STK17A: variants seen among roughly 807,000 people sequenced by gnomAD.
The protein encoded by STK17A is serine/threonine kinase 17a.
Under a neutral mutation model 43.7 loss-of-function variants are expected in STK17A, and 26 were observed. The observed-to-expected ratio is 0.60, with a 90% CI of 0.44 to 0.83. The LOEUF (loss-of-function observed/expected upper bound fraction) is 0.83. STK17A is among the 40% of genes least tolerant of loss of function. The pLI, the probability that STK17A is intolerant of heterozygous loss-of-function variation, is 0.00. For missense variants in STK17A, 476 were observed against 511.6 expected, an observed-to-expected ratio of 0.93 and a Z score of 0.67; for synonymous variants, 191 against 182.5, an observed-to-expected ratio of 1.05 and a Z score of -0.38.
At chr7:43,595,874 A>T in intron 1 of STK17A, 27 bp from the exon 2 acceptor site, 1 of 1,605,448 alleles carries the variant, frequency 6.2e-7, no homozygotes. Context: ...GTCAACTTTA[A>T]CAGTGAATGT....
In STK17A at chr7:43,583,303, G is replaced by C. The variant is rs1477821278; in HGVS notation, c.60G>C (p.Ser20=). The change falls in exon 1 of 7, where the codon TCG becomes TCC. Residue 20 remains serine, a synonymous_variant. Coordinates refer to ENST00000319357, the MANE Select transcript of STK17A (RefSeq NM_004760.3). ...GGSSPGATSG[S]GRAGRGLSGP... is the part of the protein sequence containing the mutation. The stretch of plus-strand genomic sequence containing the variant: ...CCTCCCCAGGCGCCACCTCAGGCTC[G>C]GGCCGGGCAGGCCGGGGTCTGAGCG... 1.2e-5 allele frequency: 18 copies of C among 1,526,064 alleles called. No individual in the cohort carries two copies. Among genetic ancestry groups the C allele is most frequent in the Admixed American group, 2.1e-5 (1 of 47,450 alleles). 94.5% of individuals were successfully genotyped at this position (1,526,064 alleles called of 1,614,324 possible). A position where few individuals can be genotyped will look rare whatever the true frequency, so the allele number is the denominator to read the frequency against.
chr7:43,590,053 C>T (rs1172042922), intron 1 of STK17A, among the ~76,000 whole-genome samples: 1 of 149,906 alleles, frequency 6.7e-6, no homozygotes, highest in East Asian at 1.9e-4. Flanking sequence ...CTCAACTGAT[C>T]CTCCCATCCC....
intron 4 of STK17A, chr7:43,622,568 GTT>G (rs1294658873): frequency 1.8e-5 from 2 of 111,236 alleles, no homozygotes; most frequent in Non-Finnish European, 4.8e-5. Flanking sequence ...AAAATCTTTA[GTT>G]AAGTGGATTG....
Position 43,624,520 on chromosome 7 carries a change from A to G in STK17A, c.923A>G (p.Asp308Gly), listed in dbSNP as rs2084275723. The change falls in exon 7 of 7, where the codon GAT (aspartate) becomes GGT (glycine). Residue 308 changes from aspartate to glycine, a missense_variant and splice_region_variant. Transcript: ENST00000319357. ...IRTLLVKKPE[D>G]RATAEECLKH... ...CTGTAAAACATGTATCTTTACAGAG[A>G]TCGAGCCACTGCTGAAGAATGTCTA... is the stretch of plus-strand genomic sequence containing the variant. 1.2e-6 allele frequency: 2 copies of G among 1,610,150 alleles called. No homozygotes were observed. Among genetic ancestry groups the G allele is most frequent in the Non-Finnish European group, 1.7e-6 (2 of 1,178,038 alleles).
intron 2 of STK17A, among the ~76,000 whole-genome samples, chr7:43,598,310 T>C (rs1413555948): frequency 6.6e-6 from 1 of 151,602 alleles, no homozygotes; most frequent in Non-Finnish European, 1.5e-5. Flanking sequence ...CTCTACTAAA[T>C]ATACAAAAAA....
chr7:43,619,962 T>A, intron 4 of STK17A, among the ~76,000 whole-genome samples: 1 of 152,242 alleles, frequency 6.6e-6, no homozygotes, highest in Non-Finnish European at 1.5e-5. Flanking sequence ...AGGGATTACT[T>A]CTAAAAGGAA....
At chr7:43,612,012 C>G (rs570713613) in intron 3 of STK17A, among the ~76,000 whole-genome samples, 5 of 152,244 alleles carry the variant, frequency 3.3e-5, no homozygotes, top group Non-Finnish European at 7.3e-5. Flanking sequence ...TGAATACCAA[C>G]TTTAAGTGTG....
At chr7:43,609,125 T>C (rs1419904528) in intron 3 of STK17A, 1 of 152,236 alleles carries the variant, frequency 6.6e-6, no homozygotes, top group Non-Finnish European at 1.5e-5. Flanking sequence ...GTTATGACAG[T>C]ATTCAGGGTT....
chr7:43,595,809 T>A (rs1342436330), intron 1 of STK17A, 92 bp from the exon 2 acceptor site: 1 of 1,176,928 alleles, frequency 8.5e-7, no homozygotes, highest in South Asian at 1.5e-5. Flanking sequence ...TAAATTTGAA[T>A]ATCTACCAAT....
rs139317494 is a variant in STK17A, at chr7:43,598,990, C to G, written c.419+2877C>G. Among the ~76,000 whole-genome samples the G allele has an allele frequency of 6.9e-3, 1,055 of 152,274 alleles. 19 individuals carry two copies. The highest frequency in any genetic ancestry group is 0.024 in the African/African-American group (997 of 41,558). On this transcript the variant is annotated intron_variant, in intron 2 of 6. Coordinates refer to ENST00000319357, the MANE Select transcript of STK17A (RefSeq NM_004760.3). ...ATGTTGGCCAGGCTGGTTTCGAACT[C>G]TTGACCTCAGGTGATCCACCTGCCT... is the stretch of plus-strand genomic sequence containing the variant.
rs1484884951 is a variant in STK17A at position 43,626,978 on chromosome 7, T to C, written c.*2136T>C. ...AAAAACAGGGCATGAAGAGCCTTCA[T>C]AGTATTAGGCCAAATAAAATCTATT... On this transcript the variant is annotated 3_prime_UTR_variant, in exon 7 of 7. Transcript: ENST00000319357. 6.6e-6 allele frequency among the ~76,000 whole-genome samples: 1 copy of C among 152,188 alleles called. No homozygotes were observed. Among genetic ancestry groups the C allele is most frequent in the Admixed American group, 6.5e-5 (1 of 15,272 alleles).
chr7:43,583,233 G>A lies in STK17A; in HGVS notation c.-11G>A, dbSNP rs747693170. ...GAACAGGCGGCCAGGAAAGAAGCGG[G>A]CCTGAACACCATGATCCCTTTGGAG... On this transcript the variant is annotated 5_prime_UTR_variant, in exon 1 of 7. Coordinates refer to ENST00000319357, the MANE Select transcript of STK17A (RefSeq NM_004760.3). 88 of 1,555,414 alleles carry A rather than the reference G, an allele frequency of 5.7e-5. No homozygotes were observed. In the Admixed American group the frequency reaches 1.1e-3, roughly 20 times the overall value.
At chr7:43,608,893 T>C (rs2082653211) in intron 3 of STK17A, 1 of 152,398 alleles carries the variant, frequency 6.6e-6, no homozygotes, top group Non-Finnish European at 1.5e-5. Flanking sequence ...AGCAGTGTTT[T>C]GGAAAATAGG....
chr7:43,602,357 C>T (rs2082561523), intron 2 of STK17A, among the ~76,000 whole-genome samples: 1 of 152,154 alleles, frequency 6.6e-6, no homozygotes, highest in Non-Finnish European at 1.5e-5. Flanking sequence ...AAAGAATAGT[C>T]TGGATTTATA....
At chr7:43,598,840 C>T (rs897420877) in intron 2 of STK17A, among the ~76,000 whole-genome samples, 7 of 151,568 alleles carry the variant, frequency 4.6e-5, no homozygotes, top group African/African-American at 1.2e-4. Flanking sequence ...CTCGGCTCAC[C>T]GCAACCTCTG....
At chr7:43,623,526 AT>A in intron 4 of STK17A, 45 bp from the exon 5 acceptor site, 1 of 1,557,916 alleles carries the variant, frequency 6.4e-7, no homozygotes, top group Non-Finnish European at 8.8e-7. Flanking sequence ...CAAATTAGGA[AT>A]TTTTTTCCAC....
Position 43,627,312 on chromosome 7 carries a change from G to C in STK17A, c.*2470G>C, listed in dbSNP as rs566721025. On this transcript the variant is annotated 3_prime_UTR_variant, in exon 7 of 7. Transcript: ENST00000319357. ...AGAGGAAGGACAGATGCTCATTGTT[G>C]AATCTCTTAAATTTTTCCAGCTAAC... Among the ~76,000 whole-genome samples, 6 of 152,254 alleles carry C rather than the reference G, an allele frequency of 3.9e-5. No individual in the cohort carries two copies. The highest frequency in any genetic ancestry group is 1.9e-4 in the East Asian group (1 of 5,184).
At chr7:43,619,349 A>T (rs1011265048) in intron 3 of STK17A, among the ~76,000 whole-genome samples, 1 of 152,194 alleles carries the variant, frequency 6.6e-6, no homozygotes, top group Admixed American at 6.5e-5. Flanking sequence ...TCCATAAGGT[A>T]GGGATAGAAA....
intron 3 of STK17A, among the ~76,000 whole-genome samples, chr7:43,613,556 A>G (rs1332730343): frequency 4.6e-5 from 7 of 152,106 alleles, no homozygotes; most frequent in Non-Finnish European, 7.4e-5. Context: ...AGTAGACTAG[A>G]AGAAGGCCAG....
Sources: allele counts gnomAD v4.1 joint callset (sites outside exome capture counted in the v4.1 genomes callset), GRCh38; gene constraint gnomAD v4.1.1; transcripts MANE v1.5; gene names NCBI Gene and HGNC (gene_info 2026-07-23, HGNC 2026-07-21).